The following SEMA3A variants were observed in gnomAD, a reference collection of about 807,000 sequenced individuals.
SEMA3A encodes the protein semaphorin-3A.
In SEMA3A, 29 loss-of-function variants were observed where a neutral mutation model predicts 97.9. That is an observed-to-expected ratio of 0.30 (90% CI 0.22 to 0.40). The LOEUF is 0.40. Among genes scored for constraint, SEMA3A ranks in the 10% least tolerant of loss-of-function variants. The pLI is 1.00. For missense variants in SEMA3A, 763 were observed against 951.3 expected, an observed-to-expected ratio of 0.80 and a Z score of 2.60; for synonymous variants, 321 against 323.7, an observed-to-expected ratio of 0.99 and a Z score of 0.09.
At chr7:84,259,699 G>A (rs1386408092) in intron 3 of SEMA3A, among the ~76,000 whole-genome samples, 2 of 151,534 alleles carry the variant, frequency 1.3e-5, no homozygotes, top group Non-Finnish European at 2.9e-5. Flanking sequence ...AGGAGATATA[G>A]ATGTCACTAA....
intron 1 of SEMA3A, among the ~76,000 whole-genome samples, chr7:84,138,826 T>C (rs1053280426): frequency 3.3e-5 from 5 of 152,116 alleles, no homozygotes; most frequent in Non-Finnish European, 1.5e-5. Flanking sequence ...CTGGATTGCT[T>C]AGGTTATATC....
intron 15 of SEMA3A, among the ~76,000 whole-genome samples, chr7:83,976,542 T>C (rs1431308634): frequency 1.3e-5 from 2 of 150,814 alleles, no homozygotes; most frequent in African/African-American, 4.9e-5. Context: ...GGTTGATGTT[T>C]CTGCATTTAC....
At chr7:84,406,048 C>G (rs750201541) in intron 1 of SEMA3A, among the ~76,000 whole-genome samples, 1 of 152,028 alleles carries the variant, frequency 6.6e-6, no homozygotes, top group East Asian at 1.9e-4. Flanking sequence ...TAACTAAGAT[C>G]AGAGCAAAAC....
At chr7:84,199,803 A>C (rs188697523), upstream of SEMA3A, among the ~76,000 whole-genome samples, 376 of 152,266 alleles carry the variant, frequency 2.5e-3, 2 homozygotes, top group Non-Finnish European at 4.6e-3. Flanking sequence ...AATTGGAGAA[A>C]ATAAATAGTT....
At chr7:84,394,504 C>A (rs1304090416) in intron 1 of SEMA3A, among the ~76,000 whole-genome samples, 1 of 152,036 alleles carries the variant, frequency 6.6e-6, no homozygotes, top group Non-Finnish European at 1.5e-5. Flanking sequence ...TCTAGAATCC[C>A]AGCTGTCTAT....
intron 1 of SEMA3A, among the ~76,000 whole-genome samples, chr7:84,193,846 G>C (rs982608213): frequency 6.6e-6 from 1 of 151,986 alleles, no homozygotes; most frequent in Non-Finnish European, 1.5e-5. Context: ...AGTACATATA[G>C]AATTAAATAA....
intron 3 of SEMA3A, among the ~76,000 whole-genome samples, chr7:84,298,785 G>T (rs1307603880): frequency 6.6e-6 from 1 of 152,174 alleles, no homozygotes; most frequent in Admixed American, 6.5e-5. Context: ...TTCTGTGAGG[G>T]TGTTGCCAAA....
rs539593634 is a variant in SEMA3A at position 83,978,610 on chromosome 7, T to A, written c.1653-1414A>T. The stretch of plus-strand genomic sequence containing the variant: ...CAAAGGCCGTTGAGAATTGCAAATA[T>A]GGAATTTGTTACTGTATTCATAAAT... On this transcript the variant is annotated intron_variant, in intron 14 of 16. Coordinates refer to ENST00000265362, the MANE Select transcript of SEMA3A (RefSeq NM_006080.3). Among the ~76,000 whole-genome samples, 18 of 152,338 alleles carry A rather than the reference T, an allele frequency of 1.2e-4. No homozygotes were observed. The South Asian group carries it at 3.3e-3, about 28-fold the overall frequency.
intron 1 of SEMA3A, among the ~76,000 whole-genome samples, chr7:84,481,715 T>C (rs1049190057): frequency 1.3e-5 from 2 of 152,108 alleles, no homozygotes; most frequent in African/African-American, 2.4e-5. Context: ...ACAGTGTCTA[T>C]AGCTTGACAG....
At chr7:84,095,110 ATC>A (rs1406969532) in intron 4 of SEMA3A, among the ~76,000 whole-genome samples, 2 of 148,328 alleles carry the variant, frequency 1.3e-5, no homozygotes, top group African/African-American at 4.9e-5. Context: ...TATACTGTGG[ATC>A]TCTCTATATA....
At chr7:84,063,382 G>A (rs1195939325) in intron 4 of SEMA3A, among the ~76,000 whole-genome samples, 17 of 148,536 alleles carry the variant, frequency 1.1e-4, no homozygotes, top group Middle Eastern at 3.5e-3. Flanking sequence ...CCAAAGGAAC[G>A]CAGTTCCTCA....
chr7:84,255,880 T>G (rs1316087119), intron 3 of SEMA3A, among the ~76,000 whole-genome samples: 1 of 148,206 alleles, frequency 6.7e-6, no homozygotes, highest in Admixed American at 6.6e-5. Context: ...CTCTTTATTA[T>G]GATGGCAGAT....
chr7:84,082,339 AG>A (rs1306160621), intron 4 of SEMA3A, among the ~76,000 whole-genome samples: 11 of 152,210 alleles, frequency 7.2e-5, no homozygotes, highest in African/African-American at 2.7e-4. Context: ...AATGAGCAGC[AG>A]GAAGTGGGAA....
intron 12 of SEMA3A, among the ~76,000 whole-genome samples, chr7:83,990,434 G>C (rs1326389975): frequency 6.9e-6 from 1 of 144,198 alleles, no homozygotes; most frequent in Non-Finnish European, 1.5e-5. Context: ...TTTTCTTCTA[G>C]GGTTTTTATG....
rs1562774092 is a variant in SEMA3A, at chr7:84,091,141, AAGGAAGGAAG to A, written c.453+19319_453+19328del. On this transcript the variant is annotated intron_variant, in intron 4 of 16. Transcript: ENST00000265362. ...AAGAAAAAGAAAGAAAGAAAGAAGG[AAGGAAGGAAG>A]GAAGGAAGGAAGGAAGGAAAGAAAG... 3.7e-3 allele frequency among the ~76,000 whole-genome samples: 87 copies of A among 23,370 alleles called. 2 individuals are homozygous for A. Among genetic ancestry groups the A allele is most frequent in the African/African-American group, 5.8e-3 (40 of 6,908 alleles). 15.3% of individuals were successfully genotyped at this position (23,370 alleles called of 152,430 possible).
chr7:84,063,134 G>C (rs1424489335), intron 4 of SEMA3A, among the ~76,000 whole-genome samples: 1 of 151,980 alleles, frequency 6.6e-6, no homozygotes, highest in African/African-American at 2.4e-5. Flanking sequence ...CAACCTAACT[G>C]TGAGGCACCC....
At chr7:84,091,563 C>CTTTA (rs1366570289) in intron 4 of SEMA3A, among the ~76,000 whole-genome samples, 4 of 152,104 alleles carry the variant, frequency 2.6e-5, no homozygotes, top group African/African-American at 4.8e-5. Context: ...AGCTATTCAG[C>CTTTA]CGAGTGCTTT....
chr7:84,060,128 C>T (rs1185566051), intron 5 of SEMA3A, among the ~76,000 whole-genome samples: 1 of 152,046 alleles, frequency 6.6e-6, no homozygotes, highest in Non-Finnish European at 1.5e-5. Context: ...TGTAACTTCC[C>T]TTAGCCTGTA....
At chr7:84,492,680 C>G (rs905960623) in exon 1 of SEMA3A, 7 of 151,802 alleles carry the variant, frequency 4.6e-5, no homozygotes, top group Admixed American at 4.6e-4. Context: ...CCCTGAGGCT[C>G]TACCATTTCA....
Sources: gnomAD v4.1 joint callset for allele counts (sites outside exome capture counted in the v4.1 genomes callset) on GRCh38, gnomAD v4.1.1 for gene constraint, MANE v1.5 for transcripts, NCBI Gene and HGNC (gene_info 2026-07-23, HGNC 2026-07-21) for gene names.